The following METTL21C variants were observed in gnomAD, a reference collection of about 807,000 sequenced individuals.
METTL21C encodes methyltransferase 21C, AARS1 lysine, also known as protein-lysine methyltransferase METTL21C.
A neutral mutation model predicts 25.9 loss-of-function variants in METTL21C; 21 were observed. That is an observed-to-expected ratio of 0.81 (90% CI 0.58 to 1.17). The LOEUF (loss-of-function observed/expected upper bound fraction) is 1.17. Ranked by LOEUF, METTL21C falls within the 50% of genes most tolerant of loss-of-function variation. The pLI is 0.00. For missense variants in METTL21C, 312 were observed against 315.1 expected (o/e 0.99, Z 0.07); for synonymous variants, 125 against 124.7 (o/e 1.00, Z -0.01).
intron 2 of METTL21C, among the ~76,000 whole-genome samples, chr13:102,688,803 A>G (rs565454576): frequency 1.3e-5 from 2 of 152,312 alleles, no homozygotes; most frequent in Non-Finnish European, 2.9e-5. Flanking sequence ...GGCTGGCCGC[A>G]GGGTGTCATG....
upstream of METTL21C, among the ~76,000 whole-genome samples, chr13:102,696,058 C>G (rs1427583951): frequency 6.6e-6 from 1 of 151,976 alleles, no homozygotes; most frequent in Non-Finnish European, 1.5e-5. Flanking sequence ...GAAACCTCAC[C>G]AACTTTTTTT....
Position 102,686,370 on chromosome 13 carries a change from A to T in METTL21C, c.456T>A (p.Asn152Lys), listed in dbSNP as rs1454591503. ...TACATTGTAGTGTGTTTTTTAAAAG[A>T]TTGTATTGAAGGTTTCCCAGGACAT... is the stretch of plus-strand genomic sequence containing the variant. ...LPDVLGNLQY[N>K]LLKNTLQCTA... Residue 152 changes from asparagine to lysine, a missense_variant, in exon 4 of 4, where the codon AAT becomes AAA. Coordinates refer to ENST00000267273, the MANE Select transcript of METTL21C (RefSeq NM_001010977.3). 9.3e-6 allele frequency: 15 copies of T among 1,613,972 alleles called. No homozygotes were observed. Among genetic ancestry groups the T allele is most frequent in the African/African-American group, 5.3e-5 (4 of 74,920 alleles).
chr13:102,703,357 A>G, the METTL21C span, among the ~76,000 whole-genome samples: 7 of 152,204 alleles, frequency 4.6e-5, no homozygotes, highest in South Asian at 1.5e-3. Flanking sequence ...GAAAACATCA[A>G]ATCTCAAGGT....
rs1595241018 is a variant in METTL21C at position 102,685,864 on chromosome 13, A to G, written c.*167T>C. ...TAGATTAACCAGATAATCTTAAATT[A>G]TCTTAGAAATTAGAAAGTTTCTGCA... On this transcript the variant is annotated 3_prime_UTR_variant, in exon 4 of 4. Transcript: ENST00000267273. The G allele has an allele frequency of 3.4e-6, 2 of 585,586 alleles. No homozygotes were observed. Among genetic ancestry groups the G allele is most frequent in the African/African-American group, 1.9e-5 (1 of 53,246 alleles). 36.3% of individuals were successfully genotyped at this position (585,586 alleles called of 1,614,324 possible).
chr13:102,698,551 A>C (rs9582611), upstream of METTL21C, among the ~76,000 whole-genome samples: 15,863 of 152,058 alleles, frequency 0.1, 2,587 homozygotes, highest in African/African-American at 0.34. Context: ...CCACATCAGC[A>C]GGTCTGAAGG....
chr13:102,692,677 C>A (rs1405511806), intron 1 of METTL21C, among the ~76,000 whole-genome samples: 1 of 152,160 alleles, frequency 6.6e-6, no homozygotes, highest in East Asian at 1.9e-4. Context: ...GTATGTTCTA[C>A]CACTTTGAAG....
At chr13:102,687,096 C>T (rs367939301) in intron 2 of METTL21C, 39 bp from the exon 3 acceptor site, 3 of 1,498,146 alleles carry the variant, frequency 2.0e-6, no homozygotes, top group African/African-American at 1.4e-5. Flanking sequence ...GGCATTGGAA[C>T]ATTGGAAACC....
the METTL21C span, among the ~76,000 whole-genome samples, chr13:102,703,574 T>G: frequency 6.4e-4 from 98 of 152,284 alleles, no homozygotes; most frequent in Non-Finnish European, 8.8e-4. Flanking sequence ...GGCGCTTCTG[T>G]TAAAGGAAAC....
At chr13:102,692,040 C>G (rs907739270) in intron 1 of METTL21C, among the ~76,000 whole-genome samples, 4 of 152,026 alleles carry the variant, frequency 2.6e-5, no homozygotes, top group African/African-American at 9.7e-5. Context: ...ATTAACAGTG[C>G]GGAGAGTAGG....
upstream of METTL21C, among the ~76,000 whole-genome samples, chr13:102,697,025 G>A (rs72653612): frequency 7.2e-5 from 11 of 152,282 alleles, no homozygotes; most frequent in East Asian, 1.9e-4. Context: ...CGGAGGGCAC[G>A]CTGATGAAGT....
At chr13:102,689,912 G>C (rs185457255) in intron 2 of METTL21C, among the ~76,000 whole-genome samples, 1 of 152,262 alleles carries the variant, frequency 6.6e-6, no homozygotes, top group East Asian at 1.9e-4. Context: ...TAGACATTAC[G>C]ACCACCCTAG....
chr13:102,693,873 A>T (rs934394676), intron 1 of METTL21C, among the ~76,000 whole-genome samples: 22 of 152,208 alleles, frequency 1.4e-4, no homozygotes, highest in African/African-American at 7.2e-5. Context: ...AACACTGTAA[A>T]TGCTGCATCT....
chr13:102,700,815 C>G, the METTL21C span, among the ~76,000 whole-genome samples: 1 of 152,062 alleles, frequency 6.6e-6, no homozygotes, highest in Non-Finnish European at 1.5e-5. Context: ...TACTGTGAGG[C>G]CTGGGAAGCA....
the METTL21C span, among the ~76,000 whole-genome samples, chr13:102,700,914 C>T: frequency 7.9e-5 from 12 of 151,942 alleles, no homozygotes; most frequent in South Asian, 2.5e-3. Flanking sequence ...TCCATAGCGC[C>T]GTCCGCTGCT....
chr13:102,704,117 C>A, the METTL21C span, among the ~76,000 whole-genome samples: 1 of 152,258 alleles, frequency 6.6e-6, no homozygotes, highest in Non-Finnish European at 1.5e-5. Flanking sequence ...TACAATCCAA[C>A]TAAACTTCTC....
chr13:102,695,419 T>C (rs914752666), upstream of METTL21C, among the ~76,000 whole-genome samples: 4 of 152,172 alleles, frequency 2.6e-5, no homozygotes, highest in African/African-American at 7.2e-5. Context: ...ATGTGCTCAT[T>C]TGTGAAGCTC....
chr13:102,691,280 G>A (rs974982404), intron 1 of METTL21C, among the ~76,000 whole-genome samples: 4 of 151,944 alleles, frequency 2.6e-5, no homozygotes, highest in South Asian at 2.1e-4. Flanking sequence ...GAAAAATGGC[G>A]AACTTACCAG....
In METTL21C at chr13:102,690,829, G is replaced by T. The variant is rs140948695; in HGVS notation, c.266C>A (p.Ala89Glu). 189 of 1,613,844 alleles carry T rather than the reference G, an allele frequency of 1.2e-4. No homozygotes were observed. In the East Asian group the frequency reaches 3.8e-3, roughly 33 times the overall value. ...TTCTCTCACCCCTGGCCACACCACC[G>T]CTCCGTAACTCTCTATGGATTCCTG... ...VIQESIESYG[A>E]VVWPGAMALC... is the part of the protein sequence containing the mutation. Residue 89 changes from alanine (A) to glutamate (E), a missense_variant, in exon 2 of 4, where the codon GCG (alanine) becomes GAG (glutamate). By Grantham distance (107) the Ala-to-Glu change is moderately radical (BLOSUM62 -1). Transcript: ENST00000267273.
Position 102,687,041 on chromosome 13 carries a change from T to C in METTL21C, c.299A>G (p.Gln100Arg). 1 of 1,613,738 alleles carries C rather than the reference T, an allele frequency of 6.2e-7. No individual in the cohort carries two copies. Among genetic ancestry groups the C allele is most frequent in the East Asian group, 2.2e-5 (1 of 44,892 alleles). Residue 100 changes from glutamine (Q) to arginine (R), a missense_variant, in exon 3 of 4, where the codon CAA (glutamine) becomes CGA (arginine). By Grantham distance (43) the Gln-to-Arg change is conservative. Coordinates refer to ENST00000267273, the MANE Select transcript of METTL21C (RefSeq NM_001010977.3). ...TTCCTCGGCATGTTCCTCCAAGTAT[T>C]GACACAAAGCCATAGCCTAAAAAAT... ...VVWPGAMALC[Q>R]YLEEHAEELN...
Sources: allele counts gnomAD v4.1 joint callset (sites outside exome capture counted in the v4.1 genomes callset), GRCh38; gene constraint gnomAD v4.1.1; transcripts MANE v1.5; gene names NCBI Gene and HGNC (gene_info 2026-07-23, HGNC 2026-07-21).